Variants in SFMBT1 observed in about 807,000 individuals in gnomAD.
The protein encoded by SFMBT1 is scm-like with four MBT domains protein 1.
Under a neutral mutation model 108.7 loss-of-function variants are expected in SFMBT1, and 32 were observed. That is an observed-to-expected ratio of 0.29 (90% CI 0.22 to 0.40). SFMBT1 has a LOEUF of 0.40. Ranked by LOEUF, SFMBT1 falls within the 10% of genes least tolerant of loss-of-function variation. The pLI, the probability that SFMBT1 is intolerant of heterozygous loss-of-function variation, is 1.00. For synonymous variants in SFMBT1, 348 were observed against 369.5 expected, an observed-to-expected ratio of 0.94 and a Z score of 0.67; for missense variants, 816 against 1,059.6, an observed-to-expected ratio of 0.77 and a Z score of 3.19.
At chr3:52,971,182 G>C (rs1231229604) in intron 1 of SFMBT1, among the ~76,000 whole-genome samples, 2 of 151,596 alleles carry the variant, frequency 1.3e-5, no homozygotes, top group East Asian at 3.9e-4. Context: ...CTAGGTTCTA[G>C]TGCCAGCTCT....
At chr3:52,982,457 G>A (rs974427033) in intron 1 of SFMBT1, among the ~76,000 whole-genome samples, 3 of 152,102 alleles carry the variant, frequency 2.0e-5, no homozygotes, top group African/African-American at 4.8e-5. Flanking sequence ...GGCCGGACGC[G>A]GTGGCTCACG....
chr3:53,000,052 CA>C (rs1698488162), intron 1 of SFMBT1, among the ~76,000 whole-genome samples: 1 of 149,468 alleles, frequency 6.7e-6, no homozygotes, highest in African/African-American at 2.4e-5. Context: ...TTAGTAGAGA[CA>C]GGGTTTCACC....
At chr3:52,986,942 A>T (rs905829508) in intron 1 of SFMBT1, among the ~76,000 whole-genome samples, 2 of 152,040 alleles carry the variant, frequency 1.3e-5, no homozygotes, top group Non-Finnish European at 2.9e-5. Flanking sequence ...TCCATCTCAA[A>T]ATATATATAT....
chr3:52,915,305 T>C (rs1017943738), intron 14 of SFMBT1, among the ~76,000 whole-genome samples: 1 of 152,174 alleles, frequency 6.6e-6, no homozygotes, highest in Non-Finnish European at 1.5e-5. Flanking sequence ...AAGATATTAA[T>C]GTCTTAAATT....
intron 1 of SFMBT1, among the ~76,000 whole-genome samples, chr3:52,986,815 C>CTGTA (rs1267234576): frequency 2.0e-5 from 3 of 148,762 alleles, no homozygotes; most frequent in Non-Finnish European, 4.4e-5. Context: ...TGGCGAGTGC[C>CTGTA]TGTAATACCA....
intron 1 of SFMBT1, among the ~76,000 whole-genome samples, chr3:52,991,649 G>A (rs560733929): frequency 8.0e-4 from 121 of 152,162 alleles, no homozygotes; most frequent in African/African-American, 2.5e-3. Flanking sequence ...CAGCCTGCAC[G>A]TTGAAAGTTA....
rs1356165045 is a variant in SFMBT1 at position 52,920,669 on chromosome 3, A to G, written c.1259-19T>C. On this transcript the variant is annotated intron_variant, in intron 11 of 20. Transcript: ENST00000394752. ...TTAGAACCTGTTTAGATTTAAACAA[A>G]CAAACAAACAAACAAACAAACCTTT... The G allele has an allele frequency of 1.5e-6, 2 of 1,358,110 alleles. No homozygotes were observed. Among genetic ancestry groups the G allele is most frequent in the East Asian group, 2.3e-5 (1 of 43,486 alleles). The allele number at this position is 1,358,110 out of a possible 1,614,324, so 84.1% of individuals were successfully genotyped here.
intron 1 of SFMBT1, chr3:53,042,987 C>CA (rs909893369): frequency 6.6e-6 from 1 of 152,244 alleles, no homozygotes; most frequent in African/African-American, 2.4e-5. Flanking sequence ...AATCATTTCA[C>CA]AAAAGAAAAC....
intron 1 of SFMBT1, among the ~76,000 whole-genome samples, chr3:53,022,805 T>C (rs1699362083): frequency 1.3e-5 from 2 of 152,100 alleles, no homozygotes; most frequent in Non-Finnish European, 2.9e-5. Flanking sequence ...GAGTTTAAGT[T>C]TTACAAGATG....
intron 9 of SFMBT1, among the ~76,000 whole-genome samples, chr3:52,927,871 C>G (rs1308639824): frequency 6.6e-6 from 1 of 152,134 alleles, no homozygotes; most frequent in Admixed American, 6.5e-5. Context: ...TCTGCCACCC[C>G]TAACAGACAT....
chr3:52,951,138 ATCCAAGGTTTTCTTTTACATTTT>A (rs1703575246), intron 3 of SFMBT1, among the ~76,000 whole-genome samples: 1 of 145,960 alleles, frequency 6.9e-6, no homozygotes. Flanking sequence ...AAAAAGAAAA[ATCCAAGGTTTTCTTTTACATTTT>A]AAAATTCCTT....
At chr3:52,918,885 G>T (rs1027470290) in intron 12 of SFMBT1, among the ~76,000 whole-genome samples, 1 of 151,964 alleles carries the variant, frequency 6.6e-6, no homozygotes, top group East Asian at 1.9e-4. Flanking sequence ...TGGCTTCATG[G>T]AAGACAATTT....
At chr3:52,959,525 A>G (rs1417045072) in intron 2 of SFMBT1, among the ~76,000 whole-genome samples, 1 of 152,146 alleles carries the variant, frequency 6.6e-6, no homozygotes, top group Admixed American at 6.5e-5. Flanking sequence ...TTCTTTAATC[A>G]TACTCTTTCT....
intron 1 of SFMBT1, among the ~76,000 whole-genome samples, chr3:53,013,804 T>C (rs1203175191): frequency 6.6e-6 from 1 of 151,744 alleles, no homozygotes; most frequent in East Asian, 1.9e-4. Flanking sequence ...AATTTTTGTA[T>C]TTTTAGTAGA....
At chr3:52,907,938 T>C (rs543126316) in intron 17 of SFMBT1, among the ~76,000 whole-genome samples, 1 of 152,284 alleles carries the variant, frequency 6.6e-6, no homozygotes, top group South Asian at 2.1e-4. Flanking sequence ...ATAGAACATC[T>C]TCAACCCAGA....
At chr3:52,985,006 T>TCA (rs960613432) in intron 1 of SFMBT1, among the ~76,000 whole-genome samples, 1 of 152,190 alleles carries the variant, frequency 6.6e-6, no homozygotes, top group Non-Finnish European at 1.5e-5. Context: ...GCATTTAAAA[T>TCA]CATTCTTTAT....
intron 1 of SFMBT1, among the ~76,000 whole-genome samples, chr3:52,973,400 T>C (rs1288810224): frequency 6.6e-6 from 1 of 152,004 alleles, no homozygotes; most frequent in African/African-American, 2.4e-5. Context: ...TTCTAAGAAA[T>C]ATAAATAAAA....
intron 1 of SFMBT1, among the ~76,000 whole-genome samples, chr3:52,984,593 T>C (rs1314493511): frequency 6.6e-6 from 1 of 152,100 alleles, no homozygotes; most frequent in Admixed American, 6.6e-5. Context: ...ACAAATTTTC[T>C]AGCTTTCTTT....
chr3:52,968,913 T>C (rs2106858974), intron 2 of SFMBT1, among the ~76,000 whole-genome samples, 188 bp downstream of exon 2: 1 of 152,278 alleles, frequency 6.6e-6, no homozygotes, highest in South Asian at 2.1e-4. Flanking sequence ...CAGTTTCTTA[T>C]TTTTTCAGCA....
Sources: gnomAD v4.1 joint callset for allele counts (sites outside exome capture counted in the v4.1 genomes callset) on GRCh38, gnomAD v4.1.1 for gene constraint, MANE v1.5 for transcripts, NCBI Gene and HGNC (gene_info 2026-07-23, HGNC 2026-07-21) for gene names.